Variants in EPHA6 observed in about 807,000 individuals in gnomAD.
EPHA6 encodes EPH receptor A6.
Under a neutral mutation model 112.0 loss-of-function variants are expected in EPHA6, and 50 were observed. The ratio of observed to expected loss-of-function variants is 0.45; its 90% CI spans 0.36 to 0.56. The LOEUF is 0.56. EPHA6 is among the 20% of genes least tolerant of loss of function. EPHA6 has a pLI of 0.00. For synonymous variants in EPHA6, 529 were observed against 490.7 expected (o/e 1.08, Z -1.03); for missense variants, 1,280 against 1,417.4 (o/e 0.90, Z 1.56).
At chr3:96,853,594 A>T (rs2035521581) in intron 1 of EPHA6, among the ~76,000 whole-genome samples, 1 of 152,070 alleles carries the variant, frequency 6.6e-6, no homozygotes, top group African/African-American at 2.4e-5. Flanking sequence ...CTTTCAGATT[A>T]GTTATATGTA....
chr3:97,192,430 G>C (rs950898177), intron 3 of EPHA6, among the ~76,000 whole-genome samples: 5 of 152,034 alleles, frequency 3.3e-5, no homozygotes, highest in Admixed American at 3.3e-4. Context: ...GTCTTCTTTT[G>C]AGAAACATCT....
chr3:97,033,235 G>A (rs545174581), intron 3 of EPHA6, among the ~76,000 whole-genome samples: 1 of 151,938 alleles, frequency 6.6e-6, no homozygotes, highest in South Asian at 2.1e-4. Context: ...TATTGAAATT[G>A]CATTTTTAAT....
chr3:97,272,447 A>G (rs1394565413), intron 5 of EPHA6, among the ~76,000 whole-genome samples: 4 of 152,300 alleles, frequency 2.6e-5, no homozygotes, highest in South Asian at 2.1e-4. Context: ...TACTTACACA[A>G]ACCGAGATGA....
intron 16 of EPHA6, among the ~76,000 whole-genome samples, chr3:97,737,409 G>A (rs1187862685): frequency 6.6e-6 from 1 of 151,970 alleles, no homozygotes; most frequent in East Asian, 1.9e-4. Flanking sequence ...ATGAGGTTGG[G>A]GGTCAGAAGA....
intron 11 of EPHA6, among the ~76,000 whole-genome samples, chr3:97,554,787 G>C (rs2093079482): frequency 6.6e-6 from 1 of 151,940 alleles, no homozygotes; most frequent in Non-Finnish European, 1.5e-5. Flanking sequence ...TCTGTATCAT[G>C]GTGGTCATGT....
chr3:97,407,176 T>C lies in EPHA6; in HGVS notation c.1731+1902T>C, dbSNP rs1433732342. On this transcript the variant is annotated intron_variant, in intron 6 of 17. Coordinates refer to ENST00000389672, the MANE Select transcript of EPHA6 (RefSeq NM_001080448.3). ...ATTCATCCAATCAAAATTTTATAAA[T>C]TAATATGATTCTAAAAGGACCTAGA... 3.9e-5 allele frequency among the ~76,000 whole-genome samples: 6 copies of C among 152,180 alleles called. No individual in the cohort carries two copies. In the East Asian group the frequency reaches 1.2e-3, roughly 29 times the overall value.
chr3:96,931,717 T>C (rs1026752858), intron 2 of EPHA6, among the ~76,000 whole-genome samples: 7 of 152,216 alleles, frequency 4.6e-5, no homozygotes, highest in Non-Finnish European at 8.8e-5. Context: ...TCAGACAGGC[T>C]CCACCCTGTC....
intron 2 of EPHA6, among the ~76,000 whole-genome samples, chr3:96,919,334 A>G (rs761828199): frequency 3.9e-5 from 6 of 151,918 alleles, no homozygotes; most frequent in Non-Finnish European, 8.8e-5. Context: ...ACATAGATTT[A>G]AGTTTGAGAG....
intron 14 of EPHA6, among the ~76,000 whole-genome samples, chr3:97,693,992 T>C (rs1461198839): frequency 6.6e-6 from 1 of 152,110 alleles, no homozygotes; most frequent in Non-Finnish European, 1.5e-5. Flanking sequence ...TTAAAGGTAA[T>C]AGAAATAAAG....
chr3:97,701,391 G>C (rs1218797002), intron 14 of EPHA6, among the ~76,000 whole-genome samples: 1 of 152,072 alleles, frequency 6.6e-6, no homozygotes, highest in Non-Finnish European at 1.5e-5. Context: ...GAGGGTTTTG[G>C]GGGCAAGGAG....
rs143863138 is a variant in EPHA6 at position 97,469,279 on chromosome 3, T to A, written c.1895-6073T>A. 1.5e-4 allele frequency among the ~76,000 whole-genome samples: 22 copies of A among 151,684 alleles called. No homozygotes were observed. In the East Asian group the frequency reaches 4.3e-3, roughly 29 times the overall value. The stretch of plus-strand genomic sequence containing the variant: ...CCTCTTCCATCAGTCTGACTAGCAG[T>A]GTGCAATTATTTTCAACTCTCTCTT... On this transcript the variant is annotated intron_variant, in intron 7 of 17. Coordinates refer to ENST00000389672, the MANE Select transcript of EPHA6 (RefSeq NM_001080448.3).
At chr3:97,645,228 C>T (rs551270887) in intron 14 of EPHA6, among the ~76,000 whole-genome samples, 89 of 147,642 alleles carry the variant, frequency 6.0e-4, no homozygotes, top group African/African-American at 2.0e-3. Context: ...ATGTTTATTG[C>T]GGCATTATTC....
At chr3:97,616,627 A>G (rs1403131369) in intron 13 of EPHA6, among the ~76,000 whole-genome samples, 2 of 152,222 alleles carry the variant, frequency 1.3e-5, no homozygotes, top group Admixed American at 6.6e-5. Context: ...AAAGAATTTC[A>G]TAATGTAATC....
intron 5 of EPHA6, among the ~76,000 whole-genome samples, chr3:97,371,662 G>A: frequency 6.6e-6 from 1 of 152,144 alleles, no homozygotes; most frequent in East Asian, 1.9e-4. Flanking sequence ...AGGAACAAGG[G>A]AGATAACCTT....
chr3:96,912,315 T>A (rs2039259628), intron 2 of EPHA6, among the ~76,000 whole-genome samples: 1 of 152,150 alleles, frequency 6.6e-6, no homozygotes, highest in Admixed American at 6.6e-5. Context: ...GTGAACATTC[T>A]GAGTAAGTCA....
intron 2 of EPHA6, among the ~76,000 whole-genome samples, chr3:96,896,503 T>C (rs1418980830): frequency 2.0e-5 from 3 of 152,178 alleles, no homozygotes; most frequent in Admixed American, 6.5e-5. Context: ...GTCTTCAGTC[T>C]CACATTAATG....
At chr3:96,824,148 C>G (rs993247088) in intron 1 of EPHA6, among the ~76,000 whole-genome samples, 2 of 151,402 alleles carry the variant, frequency 1.3e-5, no homozygotes, top group African/African-American at 4.9e-5. Context: ...ATAATATTGA[C>G]TACTTTACGA....
At chr3:96,962,366 T>G (rs1461616974) in intron 2 of EPHA6, among the ~76,000 whole-genome samples, 1 of 151,584 alleles carries the variant, frequency 6.6e-6, no homozygotes, top group Non-Finnish European at 1.5e-5. Flanking sequence ...TGCTTTAGGA[T>G]AGTTACCCCA....
chr3:96,987,439 C>T lies in EPHA6; in HGVS notation c.560C>T (p.Ser187Phe). Residue 187 changes from serine to phenylalanine, a missense_variant, in exon 3 of 18, where the codon TCC becomes TTC. Around this residue, in one of 4 missense-constraint regions of EPHA6, gnomAD observed 878 missense variants for 999.7 expected, o/e 0.88. Transcript: ENST00000389672. Reference sequence around the variant, plus strand: ...AACTGGCTTCGTACAAACTGGATCTCCCGTGATGCAGCTCAGAAAATTTAT... The same window carrying T: ...AACTGGCTTCGTACAAACTGGATCTTCCGTGATGCAGCTCAGAAAATTTAT... ...QNNWLRTNWI[S>F]RDAAQKIYVE... 1 of 1,613,874 alleles carries T rather than the reference C, an allele frequency of 6.2e-7. No individual in the cohort carries two copies. The highest frequency in any genetic ancestry group is 2.2e-5 in the East Asian group (1 of 44,870).
Sources: gnomAD v4.1 joint callset for allele counts (sites outside exome capture counted in the v4.1 genomes callset) on GRCh38, gnomAD v4.1.1 for gene constraint, gnomAD v4.1.1 regional missense constraint, MANE v1.5 for transcripts, NCBI Gene and HGNC (gene_info 2026-07-23, HGNC 2026-07-21) for gene names.